PLGRKT: variants seen among roughly 807,000 people sequenced by gnomAD.
The protein encoded by PLGRKT is plasminogen receptor with a C-terminal lysine, also known as plasminogen receptor (KT).
PLGRKT carries 22 observed loss-of-function variants against 18.5 expected under a neutral mutation model. The observed-to-expected ratio is 1.19, with a 90% CI of 0.85 to 1.70. PLGRKT has a LOEUF of 1.70. PLGRKT is among the 40% of genes most tolerant of loss of function. The pLI, the probability that PLGRKT is intolerant of heterozygous loss-of-function variation, is 0.00. For missense variants in PLGRKT, 235 were observed against 174.4 expected (o/e 1.35, Z -1.96); for synonymous variants, 72 against 52.8 (o/e 1.36, Z -1.58).
chr9:5,380,898 G>C lies in PLGRKT; in HGVS notation c.82-19010C>G, dbSNP rs569773438. ...GGGAGGGAGCTGGTAGGAGGTGATTGGATCATGGTGGGTGGTTCCCCCCAT... is the reference window on the plus strand; with the variant it reads ...GGGAGGGAGCTGGTAGGAGGTGATTCGATCATGGTGGGTGGTTCCCCCCAT... On this transcript the variant is annotated intron_variant, in intron 3 of 5. Coordinates refer to ENST00000223864, the MANE Select transcript of PLGRKT (RefSeq NM_018465.4). Among the ~76,000 whole-genome samples the C allele has an allele frequency of 5.9e-5, 9 of 152,324 alleles. No individual in the cohort carries two copies. In the South Asian group the frequency reaches 1.9e-3, roughly 32 times the overall value.
At chr9:5,367,030 T>TACACACAC (rs56259718) in intron 3 of PLGRKT, among the ~76,000 whole-genome samples, 86 of 112,396 alleles carry the variant, frequency 7.7e-4, no homozygotes, top group Middle Eastern at 4.3e-3. Flanking sequence ...TACACACACA[T>TACACACAC]ACACACACAC....
intron 3 of PLGRKT, among the ~76,000 whole-genome samples, chr9:5,428,316 A>T (rs2131172255): frequency 6.6e-6 from 1 of 152,264 alleles, no homozygotes; most frequent in Non-Finnish European, 1.5e-5. Flanking sequence ...CCTCTGCTTT[A>T]GGGAAGTATG....
intron 3 of PLGRKT, among the ~76,000 whole-genome samples, chr9:5,400,949 T>C (rs778115233): frequency 3.2e-4 from 49 of 151,930 alleles, no homozygotes; most frequent in Non-Finnish European, 5.0e-4. Context: ...GTAGGAGAAG[T>C]GGGGTGTTGG....
intron 3 of PLGRKT, among the ~76,000 whole-genome samples, chr9:5,399,924 A>G (rs1818124936): frequency 6.6e-6 from 1 of 151,778 alleles, no homozygotes; most frequent in Non-Finnish European, 1.5e-5. Flanking sequence ...CTGAAAGCAG[A>G]GGTTGCAGTG....
intron 3 of PLGRKT, among the ~76,000 whole-genome samples, chr9:5,364,377 C>G (rs73395237): frequency 0.017 from 2,550 of 152,244 alleles, 66 homozygotes; most frequent in African/African-American, 0.057. Context: ...AGATTGTGAG[C>G]AGAGGGGCTT....
intron 5 of PLGRKT, among the ~76,000 whole-genome samples, chr9:5,359,340 G>C (rs966422077): frequency 2.0e-5 from 3 of 152,142 alleles, no homozygotes; most frequent in Non-Finnish European, 4.4e-5. Context: ...GTGAGCCACT[G>C]CACCTGGCCT....
intron 5 of PLGRKT, among the ~76,000 whole-genome samples, chr9:5,358,795 G>A (rs1817195864): frequency 6.6e-6 from 1 of 152,098 alleles, no homozygotes; most frequent in South Asian, 2.1e-4. Context: ...GACATTACTT[G>A]TAAACACTTA....
At chr9:5,390,913 C>G (rs1044821978) in intron 3 of PLGRKT, among the ~76,000 whole-genome samples, 1 of 151,848 alleles carries the variant, frequency 6.6e-6, no homozygotes, top group African/African-American at 2.4e-5. Flanking sequence ...TAACATAATT[C>G]TCAATTGTCA....
chr9:5,388,582 A>T (rs1350217196), intron 3 of PLGRKT, among the ~76,000 whole-genome samples: 1 of 152,064 alleles, frequency 6.6e-6, no homozygotes, highest in Admixed American at 6.5e-5. Context: ...TTTTGACTTA[A>T]AATGAGGAAG....
In PLGRKT at chr9:5,419,135, G is replaced by A. The variant is rs980847997; in HGVS notation, c.81+12762C>T. Among the ~76,000 whole-genome samples the A allele has an allele frequency of 3.3e-5, 5 of 152,292 alleles. No homozygotes were observed. The South Asian group carries it at 8.3e-4, about 25-fold the overall frequency. On this transcript the variant is annotated intron_variant, in intron 3 of 5. Coordinates refer to ENST00000223864, the MANE Select transcript of PLGRKT (RefSeq NM_018465.4). ...TGTCAAAGGCCAGGGCGACCTCAGCGACAGGCAGCTCAGAGCCAGCAGCGG... is the reference window on the plus strand; with the variant it reads ...TGTCAAAGGCCAGGGCGACCTCAGCAACAGGCAGCTCAGAGCCAGCAGCGG...
intron 3 of PLGRKT, among the ~76,000 whole-genome samples, chr9:5,420,435 C>T (rs1233190024): frequency 6.6e-6 from 1 of 152,086 alleles, no homozygotes; most frequent in Non-Finnish European, 1.5e-5. Context: ...AAAAAATTAA[C>T]TTCAGAAGAA....
chr9:5,391,226 G>C (rs912258861), intron 3 of PLGRKT, among the ~76,000 whole-genome samples: 1 of 151,914 alleles, frequency 6.6e-6, no homozygotes, highest in Non-Finnish European at 1.5e-5. Flanking sequence ...GTTTTGATTT[G>C]TGCTAAGTCA....
chr9:5,424,260 A>G (rs1460639533), intron 3 of PLGRKT, among the ~76,000 whole-genome samples: 1 of 137,626 alleles, frequency 7.3e-6, no homozygotes, highest in African/African-American at 2.7e-5. Flanking sequence ...TATATACACT[A>G]TATGTCATAT....
chr9:5,421,287 C>G (rs1381180372), intron 3 of PLGRKT, among the ~76,000 whole-genome samples: 3 of 152,218 alleles, frequency 2.0e-5, no homozygotes, highest in Admixed American at 1.3e-4. Context: ...GCATGGCTCA[C>G]TTTGTCATTT....
At chr9:5,430,831 A>G (rs919354097) in intron 3 of PLGRKT, among the ~76,000 whole-genome samples, 78 of 152,206 alleles carry the variant, frequency 5.1e-4, no homozygotes, top group Admixed American at 5.0e-3. Context: ...AACTTTTAAG[A>G]CTTGATTTTT....
At chr9:5,435,650 T>C (rs571574601) in intron 2 of PLGRKT, among the ~76,000 whole-genome samples, 1 of 152,378 alleles carries the variant, frequency 6.6e-6, no homozygotes, top group Admixed American at 6.5e-5. Flanking sequence ...CAATTTTTAT[T>C]CTTAATCCAA....
At chr9:5,385,664 T>G (rs1432298791) in intron 3 of PLGRKT, among the ~76,000 whole-genome samples, 1 of 151,708 alleles carries the variant, frequency 6.6e-6, no homozygotes, top group Non-Finnish European at 1.5e-5. Context: ...TGAAGTCTCA[T>G]GAGTAAGGAG....
At chr9:5,426,010 T>G (rs1053162699) in intron 3 of PLGRKT, among the ~76,000 whole-genome samples, 3 of 152,178 alleles carry the variant, frequency 2.0e-5, no homozygotes, top group African/African-American at 7.2e-5. Flanking sequence ...AAGATGTTAT[T>G]TAGACATGGT....
In PLGRKT at chr9:5,418,805, T is replaced by G; in HGVS notation, c.81+13092A>C. The G allele has an allele frequency of 1.1e-6, 1 of 928,150 alleles. No homozygotes were observed. The highest frequency in any genetic ancestry group is 1.7e-6 in the Non-Finnish European group (1 of 578,118). The allele number at this position is 928,150 out of a possible 1,614,324, so 57.5% of individuals were successfully genotyped here. ...GACACGGAGAAGTCAGGGGGCAGCT[T>G]GGTGACACCGCTGCACCAGGGGCAT... On this transcript the variant is annotated intron_variant, in intron 3 of 5. Transcript: ENST00000223864. This position sits in a 1 kb window ranked among gnomAD's most constrained non-coding sequence, Gnocchi z 4.2.
Sources: allele counts gnomAD v4.1 joint callset (sites outside exome capture counted in the v4.1 genomes callset), GRCh38; gene constraint gnomAD v4.1.1; non-coding constraint Gnocchi (gnomAD v3.1); transcripts MANE v1.5; gene names NCBI Gene and HGNC (gene_info 2026-07-23, HGNC 2026-07-21).